C5AR1: variants seen among roughly 807,000 people sequenced by gnomAD.
C5AR1 encodes complement C5a receptor 1, also known as C5a anaphylatoxin chemotactic receptor 1.
A neutral mutation model predicts 2.4 loss-of-function variants in C5AR1; 4 were observed. The ratio of observed to expected loss-of-function variants is 1.65; its 90% CI spans 0.81 to 3.77. C5AR1 has a LOEUF of 3.77. Ranked by LOEUF, C5AR1 falls within the 30% of genes most tolerant of loss-of-function variation. C5AR1 has a pLI of 0.01. For synonymous variants in C5AR1, 209 were observed against 210.4 expected, an observed-to-expected ratio of 0.99 and a Z score of 0.06; for missense variants, 418 against 462.5, an observed-to-expected ratio of 0.90 and a Z score of 0.88.
At chr19:47,316,132 A>G (rs539866483) in intron 1 of C5AR1, among the ~76,000 whole-genome samples, 7 of 152,070 alleles carry the variant, frequency 4.6e-5, no homozygotes, top group African/African-American at 1.7e-4. Context: ...CAGCCTCCCA[A>G]GTAGCTGGGA....
rs370804352 is a variant in C5AR1, at chr19:47,314,690, G to A, written c.3+4792G>A. 3.7e-4 allele frequency among the ~76,000 whole-genome samples: 55 copies of A among 150,072 alleles called. No homozygotes were observed. In the East Asian group the frequency reaches 0.01, roughly 28 times the overall value. The stretch of plus-strand genomic sequence containing the variant: ...TGGAATTACAGGCGTGAACCACCGT[G>A]TCCAGCCTATTTTATTTTTTAGAGA... On this transcript the variant is annotated intron_variant, in intron 1 of 1. Transcript: ENST00000355085.
At position 47,320,464 on chromosome 19, in the gene C5AR1, G is replaced by A. The variant is rs199885491; in HGVS notation, c.687G>A (p.Thr229=). The change falls in exon 2 of 2, where the codon ACG becomes ACA. Residue 229 remains threonine (T), a synonymous_variant. Transcript: ENST00000355085. The surrounding 1 kb of genome is among the most constrained non-coding windows in gnomAD (Gnocchi z 4.9). ...TICYTFILLR[T]WSRRATRSTK... is the part of the protein sequence containing the mutation. Reference sequence around the variant, plus strand: ...GTTACACTTTCATCCTGCTCCGGACGTGGAGCCGCAGGGCCACGCGGTCCA... The same window carrying A: ...GTTACACTTTCATCCTGCTCCGGACATGGAGCCGCAGGGCCACGCGGTCCA... 1.2e-5 allele frequency: 20 copies of A among 1,613,178 alleles called. No homozygotes were observed. The highest frequency in any genetic ancestry group is 1.1e-4 in the East Asian group (5 of 44,878).
At chr19:47,314,834 C>T (rs1412060873) in intron 1 of C5AR1, among the ~76,000 whole-genome samples, 1 of 152,202 alleles carries the variant, frequency 6.6e-6, no homozygotes, top group Non-Finnish European at 1.5e-5. Flanking sequence ...GCTGGAATTA[C>T]AGGTGCCTGC....
At chr19:47,319,727 A>C in intron 1 of C5AR1, 54 bp from the exon 2 acceptor site, 140 of 1,113,874 alleles carry the variant, frequency 1.3e-4, no homozygotes, top group Non-Finnish European at 1.7e-4. Context: ...GATGCCCCCT[A>C]CCCGGGCACA....
chr19:47,317,493 G>T (rs1410752948), intron 1 of C5AR1, among the ~76,000 whole-genome samples: 1 of 124,254 alleles, frequency 8.0e-6, no homozygotes, highest in African/African-American at 3.0e-5. Flanking sequence ...GGGTGACAGA[G>T]TGAGACTCAG....
chr19:47,311,642 A>G (rs867744616), intron 1 of C5AR1, among the ~76,000 whole-genome samples: 2 of 151,962 alleles, frequency 1.3e-5, no homozygotes, highest in South Asian at 2.1e-4. Flanking sequence ...TTGGCTCACC[A>G]CAACCTCTGC....
At position 47,319,810 on chromosome 19, in the gene C5AR1, T is replaced by G; in HGVS notation, c.33T>G (p.Tyr11Ter). 6.2e-7 allele frequency: 1 copy of G among 1,612,776 alleles called. No individual in the cohort carries two copies. The highest frequency in any genetic ancestry group is 8.5e-7 in the Non-Finnish European group (1 of 1,178,834). The change falls in exon 2 of 2, where the codon TAT becomes TAG. Residue 11 changes from tyrosine (Y) to a stop codon, truncating the protein, a stop_gained. Coordinates refer to ENST00000355085, the MANE Select transcript of C5AR1 (RefSeq NM_001736.4). LOFTEE classifies it low-confidence loss of function (END_TRUNC). Reference sequence around the variant, plus strand: ...CCTTCAATTATACCACCCCTGATTATGGGCACTATGATGACAAGGATACCC... The same window carrying G: ...CCTTCAATTATACCACCCCTGATTAGGGGCACTATGATGACAAGGATACCC... MDSFNYTTPD[Y>*]GHYDDKDTLD...
At chr19:47,316,891 A>G (rs910909877) in intron 1 of C5AR1, among the ~76,000 whole-genome samples, 3 of 151,994 alleles carry the variant, frequency 2.0e-5, no homozygotes, top group African/African-American at 7.2e-5. Flanking sequence ...AAAAAAAACA[A>G]AACTATCCAG....
intron 1 of C5AR1, among the ~76,000 whole-genome samples, chr19:47,310,515 G>C (rs1009391474): frequency 1.2e-4 from 19 of 152,032 alleles, no homozygotes; most frequent in African/African-American, 4.3e-4. Flanking sequence ...TTTCGACTTG[G>C]GGTCTTGCAC....
At chr19:47,311,900 G>C (rs772489418) in intron 1 of C5AR1, among the ~76,000 whole-genome samples, 1 of 152,004 alleles carries the variant, frequency 6.6e-6, no homozygotes, top group East Asian at 2.0e-4. Context: ...TACCCTACCT[G>C]GGGCAACCAT....
intron 1 of C5AR1, among the ~76,000 whole-genome samples, chr19:47,318,355 G>A (rs572124938): frequency 1.1e-4 from 16 of 150,596 alleles, no homozygotes; most frequent in South Asian, 8.4e-4. Flanking sequence ...GTGCAGTGTC[G>A]CTATCTCAGC....
intron 1 of C5AR1, among the ~76,000 whole-genome samples, chr19:47,314,776 C>A (rs2059280671): frequency 6.6e-6 from 1 of 152,208 alleles, no homozygotes; most frequent in African/African-American, 2.4e-5. Context: ...TCACTACAAC[C>A]TCCACCTCCT....
chr19:47,319,938 G>T lies in C5AR1; in HGVS notation c.161G>T (p.Gly54Val), dbSNP rs143680994. The T allele has an allele frequency of 6.2e-7, 1 of 1,614,110 alleles. No homozygotes were observed. Among genetic ancestry groups the T allele is most frequent in the Non-Finnish European group, 8.5e-7 (1 of 1,180,056 alleles). The change falls in exon 2 of 2, where the codon GGC becomes GTC. Residue 54 changes from glycine to valine, a missense_variant. Gly to Val is a moderately radical substitution (Grantham distance 109). Transcript: ENST00000355085. ...FAVVFLVGVL[G>V]NALVVWVTAF... is the part of the protein sequence containing the mutation. The stretch of plus-strand genomic sequence containing the variant: ...GTCGTCTTCCTGGTGGGAGTGCTGG[G>T]CAATGCCCTGGTGGTCTGGGTGACG...
Position 47,320,303 on chromosome 19 carries a change from G to A in C5AR1, c.526G>A (p.Val176Met). 1 of 1,611,748 alleles carries A rather than the reference G, an allele frequency of 6.2e-7. No homozygotes were observed. The highest frequency in any genetic ancestry group is 8.5e-7 in the Non-Finnish European group (1 of 1,180,040). Residue 176 changes from valine (V) to methionine (M), a missense_variant, in exon 2 of 2, where the codon GTG becomes ATG. Transcript: ENST00000355085. This position sits in a 1 kb window ranked among gnomAD's most constrained non-coding sequence, Gnocchi z 4.9. Reference sequence around the variant, plus strand: ...GACCATACCCTCCTTCCTGTACCGGGTGGTCCGGGAGGAGTACTTTCCACC... The same window carrying A: ...GACCATACCCTCCTTCCTGTACCGGATGGTCCGGGAGGAGTACTTTCCACC... ...LLTIPSFLYR[V>M]VREEYFPPKV...
intron 1 of C5AR1, among the ~76,000 whole-genome samples, chr19:47,315,987 C>T (rs1352534531): frequency 6.9e-6 from 1 of 144,358 alleles, no homozygotes; most frequent in African/African-American, 2.6e-5. Context: ...ATCCATCCAT[C>T]CATCCATCCA....
chr19:47,317,192 CAAAAAA>C (rs1238972530), intron 1 of C5AR1, among the ~76,000 whole-genome samples: 1 of 74,138 alleles, frequency 1.3e-5, no homozygotes, highest in South Asian at 3.8e-4. Flanking sequence ...GACCCCGTCT[CAAAAAA>C]AAAAAAAAAA....
At chr19:47,313,970 A>G (rs1461708993) in intron 1 of C5AR1, among the ~76,000 whole-genome samples, 1 of 152,248 alleles carries the variant, frequency 6.6e-6, no homozygotes, top group East Asian at 1.9e-4. Context: ...CAGCCTGGCA[A>G]TGATTATGGC....
chr19:47,319,328 A>ATG (rs2059300451), intron 1 of C5AR1, among the ~76,000 whole-genome samples: 1 of 29,144 alleles, frequency 3.4e-5, no homozygotes, highest in Non-Finnish European at 7.0e-5. Flanking sequence ...TTTTTTTTTG[A>ATG]GACAGGGTCT....
chr19:47,320,737 G>A lies in C5AR1; in HGVS notation c.960G>A (p.Arg320=), dbSNP rs1450868440. The change falls in exon 2 of 2, where the codon CGG becomes CGA. Residue 320 remains arginine (R), a synonymous_variant. Transcript: ENST00000355085. The surrounding 1 kb of genome is among the most constrained non-coding windows in gnomAD (Gnocchi z 4.9). The stretch of plus-strand genomic sequence containing the variant: ...GGAAATCCCTCCCCAGCCTCCTCCG[G>A]AACGTGTTGACTGAAGAGTCCGTGG... ...RLRKSLPSLL[R]NVLTEESVVR... 6.2e-7 allele frequency: 1 copy of A among 1,614,104 alleles called. No individual in the cohort carries two copies. Among genetic ancestry groups the A allele is most frequent in the South Asian group, 1.1e-5 (1 of 91,082 alleles).
Sources: gnomAD v4.1 joint callset for allele counts (sites outside exome capture counted in the v4.1 genomes callset) on GRCh38, gnomAD v4.1.1 for gene constraint, Gnocchi (gnomAD v3.1) non-coding constraint, MANE v1.5 for transcripts, NCBI Gene and HGNC (gene_info 2026-07-23, HGNC 2026-07-21) for gene names.